The following ARHGDIB variants were observed in gnomAD, a reference collection of about 807,000 sequenced individuals.
The protein encoded by ARHGDIB is Rho GDP dissociation inhibitor beta.
Under a neutral mutation model 22.6 loss-of-function variants are expected in ARHGDIB, and 20 were observed. The ratio of observed to expected loss-of-function variants is 0.88; its 90% CI spans 0.62 to 1.28. The LOEUF (loss-of-function observed/expected upper bound fraction) is 1.28. ARHGDIB is among the 50% of genes most tolerant of loss of function. ARHGDIB has a pLI of 0.00. For missense variants in ARHGDIB, 254 were observed against 245.4 expected, an observed-to-expected ratio of 1.04 and a Z score of -0.23; for synonymous variants, 114 against 96.1, an observed-to-expected ratio of 1.19 and a Z score of -1.09.
In ARHGDIB at chr12:14,949,804, G is replaced by A. The variant is rs1864123860; in HGVS notation, c.263C>T (p.Thr88Ile). 1 of 1,613,388 alleles carries A rather than the reference G, an allele frequency of 6.2e-7. No homozygotes were observed. Among genetic ancestry groups the A allele is most frequent in the Non-Finnish European group, 8.5e-7 (1 of 1,179,496 alleles). The change falls in exon 3 of 6, where the codon ACT becomes ATT. Residue 88 changes from threonine to isoleucine, a missense_variant and splice_region_variant. Physicochemically the swap from Thr to Ile is moderately conservative, Grantham distance 89. Coordinates refer to ENST00000228945, the MANE Select transcript of ARHGDIB (RefSeq NM_001175.7). ...ACAGTACAGATGTGTCTACATACCA[G>A]TAAGGTCCATGGTGATTGGTCCCGG... is the stretch of plus-strand genomic sequence containing the variant. Reference protein sequence around the residue: ...SAPGPITMDLTGDLEALKKET... With the variant: ...SAPGPITMDLIGDLEALKKET...
intron 4 of ARHGDIB, 147 bp from the exon 5 acceptor site, chr12:14,944,986 A>G (rs1863977250): frequency 1.7e-6 from 1 of 597,210 alleles, no homozygotes. Flanking sequence ...ATAATTATTT[A>G]GCATGGCTGT....
intron 1 of ARHGDIB, among the ~76,000 whole-genome samples, chr12:14,960,257 C>G (rs1864383895): frequency 6.6e-6 from 1 of 152,198 alleles, no homozygotes; most frequent in African/African-American, 2.4e-5. Context: ...AGTTTAATTA[C>G]AGATTATGTT....
intron 1 of ARHGDIB, among the ~76,000 whole-genome samples, chr12:14,952,356 A>G (rs1484371820): frequency 6.6e-6 from 1 of 152,042 alleles, no homozygotes; most frequent in Non-Finnish European, 1.5e-5. Context: ...TAAGCAGCCA[A>G]ACATTATGAG....
At chr12:14,950,782 T>A (rs758236432) in intron 1 of ARHGDIB, 58 bp from the exon 2 acceptor site, 1 of 1,448,500 alleles carries the variant, frequency 6.9e-7, no homozygotes, top group Non-Finnish European at 9.2e-7. Context: ...AAGATGTTAG[T>A]GGGGCTGCTG....
At chr12:14,948,049 C>T (rs1864065637) in intron 3 of ARHGDIB, 100 bp from the exon 4 acceptor site, 2 of 846,984 alleles carry the variant, frequency 2.4e-6, no homozygotes, top group African/African-American at 3.4e-5. Context: ...CCCACGAGGG[C>T]AACATGGTTC....
At chr12:14,951,892 T>C (rs1592291990) in intron 1 of ARHGDIB, among the ~76,000 whole-genome samples, 2 of 151,870 alleles carry the variant, frequency 1.3e-5, no homozygotes, top group East Asian at 3.9e-4. Flanking sequence ...TTCACACAGC[T>C]GGATGAGAGG....
intron 1 of ARHGDIB, among the ~76,000 whole-genome samples, chr12:14,959,915 T>C (rs1305952722): frequency 6.6e-6 from 1 of 152,214 alleles, no homozygotes; most frequent in Non-Finnish European, 1.5e-5. Flanking sequence ...CTCTTGTTAC[T>C]AAGCTTGTGC....
At chr12:14,948,629 C>A (rs1181309175) in intron 3 of ARHGDIB, among the ~76,000 whole-genome samples, 1 of 152,206 alleles carries the variant, frequency 6.6e-6, no homozygotes, top group African/African-American at 2.4e-5. Context: ...ACTCTCTATG[C>A]TTTTCTTCAT....
intron 4 of ARHGDIB, 60 bp from the exon 5 acceptor site, chr12:14,944,899 T>C (rs910172207): frequency 1.4e-6 from 2 of 1,464,012 alleles, no homozygotes; most frequent in Non-Finnish European, 1.9e-6. Context: ...TTTTCTCATC[T>C]TTCATGCTGA....
rs1592290678 is a variant in ARHGDIB, at chr12:14,950,523, C to G, written c.181+9G>C. Reference sequence around the variant, plus strand: ...TCTTCCACCCACCCTGTTCTCTGTACACACATACCTGTCACCACAGGACCA... The same window carrying G: ...TCTTCCACCCACCCTGTTCTCTGTAGACACATACCTGTCACCACAGGACCA... On this transcript the variant is annotated intron_variant, in intron 2 of 5. Coordinates refer to ENST00000228945, the MANE Select transcript of ARHGDIB (RefSeq NM_001175.7). 1 of 1,607,840 alleles carries G rather than the reference C, an allele frequency of 6.2e-7. No individual in the cohort carries two copies.
At chr12:14,947,533 C>T (rs1339604828) in intron 4 of ARHGDIB, among the ~76,000 whole-genome samples, 1 of 152,036 alleles carries the variant, frequency 6.6e-6, no homozygotes, top group South Asian at 2.1e-4. Context: ...ACAATTTCAC[C>T]CTAGATTGAG....
At chr12:14,952,629 T>C (rs1864204955) in intron 1 of ARHGDIB, among the ~76,000 whole-genome samples, 1 of 151,176 alleles carries the variant, frequency 6.6e-6, no homozygotes, top group African/African-American at 2.4e-5. Context: ...TTGTGGGAAA[T>C]TTAATGACAT....
intron 5 of ARHGDIB, among the ~76,000 whole-genome samples, chr12:14,944,151 C>G (rs950813543): frequency 4.0e-5 from 6 of 151,280 alleles, no homozygotes; most frequent in African/African-American, 1.5e-4. Context: ...CATCACCTTC[C>G]CGCCTCTCAT....
At chr12:14,945,706 T>C (rs75276427) in intron 4 of ARHGDIB, among the ~76,000 whole-genome samples, 8,058 of 152,362 alleles carry the variant, frequency 0.053, 268 homozygotes, top group East Asian at 0.1. Flanking sequence ...TGTCCTTTTG[T>C]GTTGGACACA....
At chr12:14,949,533 A>T (rs981201574) in intron 3 of ARHGDIB, among the ~76,000 whole-genome samples, 1 of 152,222 alleles carries the variant, frequency 6.6e-6, no homozygotes, top group African/African-American at 2.4e-5. Context: ...CATAAATAAC[A>T]ATTCTCTTAC....
chr12:14,943,343 G>C (rs940073600), intron 5 of ARHGDIB, among the ~76,000 whole-genome samples: 58 of 151,410 alleles, frequency 3.8e-4, no homozygotes, highest in Non-Finnish European at 5.4e-4. Flanking sequence ...TAAAGTTGGG[G>C]AACCAGTGGC....
intron 1 of ARHGDIB, among the ~76,000 whole-genome samples, chr12:14,952,169 T>C (rs1864191764): frequency 6.6e-6 from 1 of 151,502 alleles, no homozygotes; most frequent in African/African-American, 2.4e-5. Context: ...AGTGAAGATA[T>C]CTCTGGCCAA....
At chr12:14,948,014 T>C in intron 3 of ARHGDIB, 65 bp from the exon 4 acceptor site, 1 of 1,412,862 alleles carries the variant, frequency 7.1e-7, no homozygotes, top group Non-Finnish European at 1.0e-6. Flanking sequence ...TAAATGACTT[T>C]TAAGTCCCGG....
intron 4 of ARHGDIB, among the ~76,000 whole-genome samples, chr12:14,945,334 C>A (rs1052283097): frequency 4.6e-5 from 7 of 152,218 alleles, no homozygotes; most frequent in African/African-American, 1.4e-4. Flanking sequence ...AAATTCATGT[C>A]TAGAAGATGG....
Sources: gnomAD v4.1 joint callset for allele counts (sites outside exome capture counted in the v4.1 genomes callset) on GRCh38, gnomAD v4.1.1 for gene constraint, MANE v1.5 for transcripts, NCBI Gene and HGNC (gene_info 2026-07-23, HGNC 2026-07-21) for gene names.